PRKCE: variants seen among roughly 807,000 people sequenced by gnomAD.
The protein encoded by PRKCE is protein kinase C epsilon type.
In PRKCE, 16 loss-of-function variants were observed where a neutral mutation model predicts 85.4. The observed-to-expected ratio is 0.19, with a 90% confidence interval of 0.13 to 0.28. The LOEUF is 0.28. PRKCE is among the 10% of genes least tolerant of loss of function. The probability of loss-of-function intolerance (pLI) is 1.00; values close to 1 mark genes in which losing one functional copy is unlikely to be tolerated. For missense variants in PRKCE, 573 were observed against 975.2 expected (o/e 0.59, Z 5.49); for synonymous variants, 388 against 371.5 (o/e 1.04, Z -0.51).
chr2:46,150,055 G>T (rs971441424), intron 12 of PRKCE, among the ~76,000 whole-genome samples: 5 of 151,868 alleles, frequency 3.3e-5, no homozygotes, highest in East Asian at 3.9e-4. Context: ...TTACCATGTT[G>T]CCCAGGCTGG....
chr2:45,690,579 G>C (rs1438417733), intron 1 of PRKCE, among the ~76,000 whole-genome samples: 1 of 152,158 alleles, frequency 6.6e-6, no homozygotes, highest in African/African-American at 2.4e-5. Flanking sequence ...AAACTGCACT[G>C]CCTTTTAAAG....
chr2:45,842,356 A>G (rs1691423450), intron 1 of PRKCE, among the ~76,000 whole-genome samples: 1 of 152,130 alleles, frequency 6.6e-6, no homozygotes, highest in African/African-American at 2.4e-5. Flanking sequence ...GTCCTTCATC[A>G]TTAAGCTGGA....
intron 1 of PRKCE, among the ~76,000 whole-genome samples, chr2:45,731,715 C>G (rs978468978): frequency 6.7e-6 from 1 of 150,194 alleles, no homozygotes; most frequent in Non-Finnish European, 1.5e-5. Context: ...ACTTGACCTC[C>G]TAGGCTCAAG....
At chr2:45,685,466 A>G (rs1677223926) in intron 1 of PRKCE, 1 of 152,114 alleles carries the variant, frequency 6.6e-6, no homozygotes, top group African/African-American at 2.4e-5. Context: ...TCACATGATT[A>G]CTATCGTGCC....
At chr2:45,729,891 C>T (rs1013862892) in intron 1 of PRKCE, among the ~76,000 whole-genome samples, 1 of 152,180 alleles carries the variant, frequency 6.6e-6, no homozygotes, top group Non-Finnish European at 1.5e-5. Flanking sequence ...TTCCTACTAG[C>T]TCCACCTGGA....
intron 2 of PRKCE, among the ~76,000 whole-genome samples, chr2:45,850,544 C>G (rs1385653164): frequency 6.6e-6 from 1 of 152,138 alleles, no homozygotes; most frequent in African/African-American, 2.4e-5. Flanking sequence ...TTCATTTAAC[C>G]TAATTTAGAG....
chr2:45,823,349 T>A (rs1448355460), intron 1 of PRKCE, among the ~76,000 whole-genome samples: 1 of 152,252 alleles, frequency 6.6e-6, no homozygotes, highest in Non-Finnish European at 1.5e-5. Flanking sequence ...TGGAATTGGT[T>A]GGAAAATATT....
chr2:45,757,016 C>T (rs1469202114), intron 1 of PRKCE, among the ~76,000 whole-genome samples: 3 of 151,894 alleles, frequency 2.0e-5, no homozygotes, highest in South Asian at 2.1e-4. Flanking sequence ...TTTGGGAGGC[C>T]GAGGCGGGTG....
chr2:45,812,278 T>A (rs1688708807), intron 1 of PRKCE, among the ~76,000 whole-genome samples: 1 of 152,240 alleles, frequency 6.6e-6, no homozygotes, highest in Non-Finnish European at 1.5e-5. Context: ...AAGGGATTAT[T>A]ATGGCCCATG....
intron 1 of PRKCE, among the ~76,000 whole-genome samples, chr2:45,802,020 C>T (rs911479726): frequency 2.0e-5 from 3 of 149,564 alleles, no homozygotes; most frequent in South Asian, 2.1e-4. Context: ...AAGGCCAAGG[C>T]GAGAGGATCA....
chr2:46,122,968 T>G (rs1673465306), intron 11 of PRKCE, among the ~76,000 whole-genome samples: 1 of 150,300 alleles, frequency 6.7e-6, no homozygotes. Flanking sequence ...AGCCAAATTA[T>G]TTTTTATGTA....
intron 1 of PRKCE, among the ~76,000 whole-genome samples, chr2:45,810,416 TTAAC>T (rs1323145799): frequency 6.6e-6 from 1 of 152,194 alleles, no homozygotes; most frequent in South Asian, 2.1e-4. Context: ...AAGATTTTAT[TTAAC>T]TAATTAATTA....
chr2:46,089,068 G>T (rs1378526605), intron 11 of PRKCE, among the ~76,000 whole-genome samples: 1 of 152,198 alleles, frequency 6.6e-6, no homozygotes, highest in East Asian at 1.9e-4. Flanking sequence ...CTTTTGCCCT[G>T]TTGGCTTCTA....
chr2:45,830,918 C>CA (rs1301077555), intron 1 of PRKCE, among the ~76,000 whole-genome samples: 1 of 152,136 alleles, frequency 6.6e-6, no homozygotes, highest in Non-Finnish European at 1.5e-5. Flanking sequence ...ACTGTCCTAG[C>CA]AAAAACAAGG....
intron 2 of PRKCE, among the ~76,000 whole-genome samples, chr2:45,854,334 T>C (rs71422179): frequency 0.058 from 8,871 of 152,190 alleles, 451 homozygotes; most frequent in African/African-American, 0.14. Flanking sequence ...TAGAGACAGA[T>C]CACCAAAACC....
At chr2:45,927,363 C>A (rs577967331) in intron 2 of PRKCE, among the ~76,000 whole-genome samples, 4 of 152,190 alleles carry the variant, frequency 2.6e-5, no homozygotes, top group Non-Finnish European at 5.9e-5. Context: ...GTGCTAAGCA[C>A]TTTTATGTAT....
Position 45,685,934 on chromosome 2 carries a change from T to C in PRKCE, c.348+33486T>C, listed in dbSNP as rs143426409. On this transcript the variant is annotated intron_variant, in intron 1 of 14. Coordinates refer to ENST00000306156, the MANE Select transcript of PRKCE (RefSeq NM_005400.3). The stretch of plus-strand genomic sequence containing the variant: ...AACCCTGACTATTCAGTAGTCACAA[T>C]AGACAAATGATAGCTTAGCAGATTT... Among the ~76,000 whole-genome samples the C allele has an allele frequency of 7.6e-4, 115 of 152,306 alleles. 1 individual carries two copies. In the East Asian group the frequency reaches 0.011, roughly 15 times the overall value.
intron 2 of PRKCE, among the ~76,000 whole-genome samples, chr2:45,914,492 G>A (rs1295008882): frequency 6.6e-6 from 1 of 152,186 alleles, no homozygotes; most frequent in African/African-American, 2.4e-5. Context: ...GGTGGTCCAG[G>A]AAGTGTGCGA....
intron 14 of PRKCE, among the ~76,000 whole-genome samples, chr2:46,182,424 C>T (rs1320308401): frequency 6.6e-6 from 1 of 152,060 alleles, no homozygotes; most frequent in Admixed American, 6.5e-5. Flanking sequence ...AGAGGGAGAA[C>T]AGATGGTCCT....
Sources: gnomAD v4.1 joint callset for allele counts (sites outside exome capture counted in the v4.1 genomes callset) on GRCh38, gnomAD v4.1.1 for gene constraint, MANE v1.5 for transcripts, NCBI Gene and HGNC (gene_info 2026-07-23, HGNC 2026-07-21) for gene names.